GMDS: variants seen among roughly 807,000 people sequenced by gnomAD.
GMDS encodes GDP-mannose 4,6 dehydratase.
Under a neutral mutation model 49.9 loss-of-function variants are expected in GMDS, and 20 were observed. That is an observed-to-expected ratio of 0.40 (90% CI 0.28 to 0.58). GMDS has a LOEUF of 0.58. Ranked by LOEUF, GMDS falls within the 20% of genes least tolerant of loss-of-function variation. The pLI is 0.42. For synonymous variants in GMDS, 177 were observed against 178.6 expected (o/e 0.99, Z 0.07); for missense variants, 362 against 481.4 (o/e 0.75, Z 2.32).
intron 9 of GMDS, among the ~76,000 whole-genome samples, chr6:1,627,330 G>A (rs1187063002): frequency 2.0e-5 from 3 of 152,162 alleles, no homozygotes; most frequent in African/African-American, 7.2e-5. Flanking sequence ...GGGCCTGTGT[G>A]GGAAAGCGCA....
intron 7 of GMDS, among the ~76,000 whole-genome samples, chr6:1,855,659 T>C (rs538725077): frequency 9.2e-5 from 14 of 152,098 alleles, no homozygotes; most frequent in Admixed American, 6.5e-4. Context: ...CTGGACCAAG[T>C]GATAAAAATG....
rs556634869 is a variant in GMDS at position 2,169,621 on chromosome 6, C to CAAAAA, written c.103-44895_103-44891dup. On this transcript the variant is annotated intron_variant, in intron 1 of 10. Transcript: ENST00000380815. ...AGAATAGTTTAAAGCCACCAGGCAG[C>CAAAAA]AAAAAAAAAAAAAAACAAAAAAAAA... 8.2e-3 allele frequency among the ~76,000 whole-genome samples: 601 copies of CAAAAA among 73,716 alleles called. 1 individual carries two copies. Among genetic ancestry groups the CAAAAA allele is most frequent in the Middle Eastern group, 0.045 (5 of 110 alleles). 48.4% of individuals were successfully genotyped at this position (73,716 alleles called of 152,430 possible).
Position 1,999,817 on chromosome 6 carries a change from C to G in GMDS, c.346-38851G>C, listed in dbSNP as rs905955233. Among the ~76,000 whole-genome samples the G allele has an allele frequency of 5.0e-5, 7 of 140,622 alleles. No individual in the cohort carries two copies. The South Asian group carries it at 1.1e-3, about 22-fold the overall frequency. The allele number at this position is 140,622 out of a possible 152,430, so 92.3% of individuals were successfully genotyped here. On this transcript the variant is annotated intron_variant, in intron 4 of 10. Transcript: ENST00000380815. ...TTCTTAAAAACATAGTTAACACTGA[C>G]ATTCTTATCTGTTGCCATAGTTCAC...
At chr6:2,202,641 C>A (rs1204578683) in intron 1 of GMDS, among the ~76,000 whole-genome samples, 1 of 152,156 alleles carries the variant, frequency 6.6e-6, no homozygotes. Flanking sequence ...GGCTCAGAGA[C>A]TGGCCTCGTG....
chr6:2,034,554 T>C (rs1490637328), intron 4 of GMDS, among the ~76,000 whole-genome samples: 1 of 152,204 alleles, frequency 6.6e-6, no homozygotes, highest in East Asian at 1.9e-4. Flanking sequence ...ATTTATGGTA[T>C]GTGGATTTTA....
intron 6 of GMDS, among the ~76,000 whole-genome samples, chr6:1,941,209 A>T (rs1416961409): frequency 6.6e-6 from 1 of 152,150 alleles, no homozygotes; most frequent in African/African-American, 2.4e-5. Flanking sequence ...GTGAATCTAT[A>T]AGCCTGGCCT....
At chr6:1,973,393 G>T (rs1021153735) in intron 4 of GMDS, among the ~76,000 whole-genome samples, 11 of 152,108 alleles carry the variant, frequency 7.2e-5, no homozygotes, top group African/African-American at 2.4e-4. Flanking sequence ...AAGCTCTGTT[G>T]GCAGAGAGTG....
intron 7 of GMDS, among the ~76,000 whole-genome samples, chr6:1,884,982 G>A (rs1265907474): frequency 1.3e-5 from 2 of 152,116 alleles, no homozygotes; most frequent in Admixed American, 6.5e-5. Flanking sequence ...AACTATAGGA[G>A]GAAACTACAT....
chr6:2,212,215 A>T (rs1780092594), intron 1 of GMDS, among the ~76,000 whole-genome samples: 1 of 152,248 alleles, frequency 6.6e-6, no homozygotes, highest in Non-Finnish European at 1.5e-5. Context: ...CAATTATAAA[A>T]TAGCAATATC....
intron 7 of GMDS, among the ~76,000 whole-genome samples, chr6:1,763,568 A>G (rs935385068): frequency 1.3e-5 from 2 of 152,232 alleles, no homozygotes; most frequent in Admixed American, 1.3e-4. Context: ...TGGTATGACA[A>G]TTATGCAACT....
chr6:1,936,906 G>A (rs1762577238), intron 6 of GMDS, among the ~76,000 whole-genome samples: 1 of 150,134 alleles, frequency 6.7e-6, no homozygotes, highest in Non-Finnish European at 1.5e-5. Flanking sequence ...GGTGGAGGTT[G>A]CAGTGAGCTG....
At chr6:1,682,410 T>C (rs1374576628) in intron 9 of GMDS, among the ~76,000 whole-genome samples, 1 of 152,184 alleles carries the variant, frequency 6.6e-6, no homozygotes, top group Non-Finnish European at 1.5e-5. Flanking sequence ...GCATTTCTGG[T>C]CAGCCCACAT....
chr6:2,177,297 G>T (rs759654632), intron 1 of GMDS, among the ~76,000 whole-genome samples: 42 of 152,212 alleles, frequency 2.8e-4, no homozygotes, highest in Non-Finnish European at 5.6e-4. Context: ...TGGGTTTGGG[G>T]TAGTAACTAT....
At chr6:2,090,371 G>A (rs985588885) in intron 4 of GMDS, among the ~76,000 whole-genome samples, 1 of 152,054 alleles carries the variant, frequency 6.6e-6, no homozygotes, top group African/African-American at 2.4e-5. Context: ...GAAAAACTGA[G>A]GTTAACAAGT....
chr6:1,721,552 G>A (rs1287046239), intron 9 of GMDS, among the ~76,000 whole-genome samples: 1 of 152,078 alleles, frequency 6.6e-6, no homozygotes, highest in East Asian at 1.9e-4. Context: ...ATTTGGGTCT[G>A]TGAATGTGTC....
intron 9 of GMDS, among the ~76,000 whole-genome samples, chr6:1,716,243 G>A (rs1766172597): frequency 6.6e-6 from 1 of 152,234 alleles, no homozygotes; most frequent in Non-Finnish European, 1.5e-5. Flanking sequence ...ATGAAAGTAA[G>A]GCCTTCCCTA....
At chr6:2,086,124 C>G (rs1434502827) in intron 4 of GMDS, among the ~76,000 whole-genome samples, 2 of 152,162 alleles carry the variant, frequency 1.3e-5, no homozygotes, top group Non-Finnish European at 2.9e-5. Context: ...CACACTGTCT[C>G]AAAAACACAC....
chr6:2,242,098 G>A (rs1781641450), intron 1 of GMDS, among the ~76,000 whole-genome samples: 2 of 152,224 alleles, frequency 1.3e-5, no homozygotes, highest in Admixed American at 6.5e-5. Context: ...CTGCATACAT[G>A]TAAATACAGA....
intron 9 of GMDS, among the ~76,000 whole-genome samples, chr6:1,629,737 A>G (rs1195464231): frequency 6.6e-6 from 1 of 152,092 alleles, no homozygotes; most frequent in African/African-American, 2.4e-5. Flanking sequence ...ATGGTGCCTA[A>G]TGGGCACTTT....
Sources: gnomAD v4.1 joint callset for allele counts (sites outside exome capture counted in the v4.1 genomes callset) on GRCh38, gnomAD v4.1.1 for gene constraint, MANE v1.5 for transcripts, NCBI Gene and HGNC (gene_info 2026-07-23, HGNC 2026-07-21) for gene names.